AAGAB: variants seen among roughly 807,000 people sequenced by gnomAD.
AAGAB encodes alpha and gamma adaptin binding protein.
Under a neutral mutation model 44.1 loss-of-function variants are expected in AAGAB, and 38 were observed. That is an observed-to-expected ratio of 0.86 (90% CI 0.67 to 1.13). The LOEUF (loss-of-function observed/expected upper bound fraction) is 1.13. Among genes scored for constraint, AAGAB ranks in the 50% most tolerant of loss-of-function variants. AAGAB has a pLI of 0.00. For synonymous variants in AAGAB, 131 were observed against 131.8 expected, an observed-to-expected ratio of 0.99 and a Z score of 0.04; for missense variants, 450 against 373.8, an observed-to-expected ratio of 1.20 and a Z score of -1.68.
chr15:67,203,948 A>G (rs143201986), intron 8 of AAGAB, 96 bp downstream of exon 8: 1 of 770,646 alleles, frequency 1.3e-6, no homozygotes, highest in Non-Finnish European at 2.1e-6. Context: ...GACCAGAACA[A>G]GGAATCCAAT....
rs758889595 is a variant in AAGAB at position 67,236,402 on chromosome 15, C to A, written c.361+6G>T. On this transcript the variant is annotated splice_donor_region_variant and intron_variant, in intron 3 of 9. Transcript: ENST00000261880. The stretch of plus-strand genomic sequence containing the variant: ...TACCAACTACTGTCCCATCCACAGG[C>A]CTTACCATCTTCAGACACTCTATCG... The A allele has an allele frequency of 4.3e-6, 7 of 1,613,262 alleles. No individual in the cohort carries two copies. Among genetic ancestry groups the A allele is most frequent in the Non-Finnish European group, 5.9e-6 (7 of 1,179,294 alleles).
chr15:67,239,877 T>A (rs927810112), intron 1 of AAGAB, among the ~76,000 whole-genome samples: 1 of 152,176 alleles, frequency 6.6e-6, no homozygotes, highest in Non-Finnish European at 1.5e-5. Flanking sequence ...ACTGTGCACA[T>A]GGCTAAAGGT....
intron 6 of AAGAB, 139 bp downstream of exon 6, chr15:67,209,323 G>T: frequency 1.3e-6 from 1 of 791,792 alleles, no homozygotes. Context: ...GGCTGTTTTA[G>T]ACCTTCCTTT....
At chr15:67,231,721 T>C in intron 5 of AAGAB, 93 bp downstream of exon 5, 1 of 1,008,060 alleles carries the variant, frequency 9.9e-7, no homozygotes. Flanking sequence ...TCTACAGATT[T>C]CATATAGCAC....
In AAGAB at chr15:67,219,727, T is replaced by C. The variant is rs1474115975; in HGVS notation, c.536-10183A>G. Among the ~76,000 whole-genome samples the C allele has an allele frequency of 1.4e-4, 21 of 152,306 alleles. No individual in the cohort carries two copies. The East Asian group carries it at 3.9e-3, about 28-fold the overall frequency. On this transcript the variant is annotated intron_variant, in intron 5 of 9. Transcript: ENST00000261880. Reference sequence around the variant, plus strand: ...ATGGAATAATTAGACTTCCTGTACATGTACCCCCAATTCTAAAATAAAAAT... The same window carrying C: ...ATGGAATAATTAGACTTCCTGTACACGTACCCCCAATTCTAAAATAAAAAT...
Position 67,236,426 on chromosome 15 carries a change from C to T in AAGAB, c.343G>A (p.Asp115Asn), listed in dbSNP as rs371926366. The T allele has an allele frequency of 6.8e-5, 110 of 1,614,106 alleles. No individual in the cohort carries two copies. Among genetic ancestry groups the T allele is most frequent in the East Asian group, 1.8e-4 (8 of 44,876 alleles). ...GCCTTACCATCTTCAGACACTCTAT[C>T]GCAGACCAAGATCATCACCTCAGGT... ...WLPEVMILVC[D>N]RVSEDGINRQ... Residue 115 changes from aspartate to asparagine, a missense_variant, in exon 3 of 10, where the codon GAT becomes AAT. Coordinates refer to ENST00000261880, the MANE Select transcript of AAGAB (RefSeq NM_024666.5).
rs1479485259 is a variant in AAGAB at position 67,202,881 on chromosome 15, C to A, written c.888G>T (p.Trp296Cys). ...CATCTCTGTCTCCCCCGATTGCCAT[C>A]CAGAATGCTTTGGCCACCTGTGGAG... Reference protein sequence around the residue: ...VHAEKVAKAFWMAIGGDRDEI... With the variant: ...VHAEKVAKAFCMAIGGDRDEI... Residue 296 changes from tryptophan to cysteine, a missense_variant, in exon 10 of 10, where the codon TGG becomes TGT. Physicochemically the swap from Trp to Cys is radical, Grantham distance 215 (BLOSUM62 -2). Transcript: ENST00000261880. The A allele has an allele frequency of 6.2e-7, 1 of 1,614,074 alleles. No homozygotes were observed. Among genetic ancestry groups the A allele is most frequent in the Non-Finnish European group, 8.5e-7 (1 of 1,179,936 alleles).
At chr15:67,232,612 T>C (rs1822829) in intron 4 of AAGAB, 152,580 of 377,674 alleles carry the variant, frequency 0.4, 33,580 homozygotes, top group Non-Finnish European at 0.48. Flanking sequence ...GATGTCATCT[T>C]TGAGTTCAGA....
At chr15:67,217,537 ATTTC>A in intron 5 of AAGAB, among the ~76,000 whole-genome samples, 1 of 152,150 alleles carries the variant, frequency 6.6e-6, no homozygotes, top group East Asian at 1.9e-4. Context: ...TTAGGTACAC[ATTTC>A]TTTTTTTATT....
In AAGAB at chr15:67,231,832, T is replaced by G. The variant is rs529864603; in HGVS notation, c.517A>C (p.Asn173His). The change falls in exon 5 of 10, where the codon AAT becomes CAT. Residue 173 changes from asparagine (N) to histidine (H), a missense_variant. Physicochemically the swap from Asn to His is moderately conservative, Grantham distance 68. Coordinates refer to ENST00000261880, the MANE Select transcript of AAGAB (RefSeq NM_024666.5). ...TACTTACCATTCTTCATCACTACAT[T>G]GGACCACACATTGGCATTCAGGGCT... ...VQALNANVWSNVVMKNDRNQG... is the reference protein window; with the variant it reads ...VQALNANVWSHVVMKNDRNQG... The G allele has an allele frequency of 8.7e-6, 14 of 1,612,228 alleles. No individual in the cohort carries two copies. The South Asian group carries it at 1.4e-4, about 16-fold the overall frequency.
At chr15:67,220,860 C>T (rs760728970) in intron 5 of AAGAB, among the ~76,000 whole-genome samples, 5 of 152,152 alleles carry the variant, frequency 3.3e-5, no homozygotes, top group Non-Finnish European at 7.3e-5. Context: ...TGAATCATAT[C>T]TACTTTTTGC....
Position 67,254,541 on chromosome 15 carries a change from A to C in AAGAB, c.73+18T>G, listed in dbSNP as rs1250476979. 1 of 1,597,768 alleles carries C rather than the reference A, an allele frequency of 6.3e-7. No individual in the cohort carries two copies. The highest frequency in any genetic ancestry group is 8.5e-7 in the Non-Finnish European group (1 of 1,173,136). On this transcript the variant is annotated intron_variant, in intron 1 of 9. Coordinates refer to ENST00000261880, the MANE Select transcript of AAGAB (RefSeq NM_024666.5). The stretch of plus-strand genomic sequence containing the variant: ...GCTCAGGGGCCTTGGAGGTCGGCCC[A>C]GGCGCCTATCTACTCACGTTGGACC...
chr15:67,240,483 AG>A (rs1430645059), intron 1 of AAGAB, among the ~76,000 whole-genome samples: 1 of 152,182 alleles, frequency 6.6e-6, no homozygotes, highest in Non-Finnish European at 1.5e-5. Context: ...GACAAACACT[AG>A]GTGTTTACTT....
intron 1 of AAGAB, among the ~76,000 whole-genome samples, chr15:67,241,078 CTA>C (rs1281860194): frequency 4.1e-5 from 6 of 145,980 alleles, no homozygotes; most frequent in African/African-American, 1.5e-4. Flanking sequence ...CACATTTTAT[CTA>C]TATATAAACA....
chr15:67,235,896 T>C (rs781766497), intron 4 of AAGAB, 83 bp downstream of exon 4: 157 of 1,096,262 alleles, frequency 1.4e-4, no homozygotes, highest in Middle Eastern at 4.1e-4. Flanking sequence ...GTTTCTTGAA[T>C]TTTGCTGTGA....
chr15:67,217,880 A>G (rs1425199470), intron 5 of AAGAB, among the ~76,000 whole-genome samples: 9 of 152,366 alleles, frequency 5.9e-5, no homozygotes, highest in African/African-American at 2.2e-4. Flanking sequence ...GGTGCAAATG[A>G]TTCCTTGAAT....
chr15:67,246,392 A>AG (rs1281774918), intron 1 of AAGAB, among the ~76,000 whole-genome samples: 2 of 63,304 alleles, frequency 3.2e-5, no homozygotes, highest in Admixed American at 1.5e-4. Flanking sequence ...ATCCTGTCTC[A>AG]AAAAAAAAAA....
intron 8 of AAGAB, 92 bp from the exon 9 acceptor site, chr15:67,203,689 A>G: frequency 3.5e-6 from 4 of 1,141,264 alleles, no homozygotes; most frequent in Non-Finnish European, 5.2e-6. Context: ...GACGGGTTTC[A>G]AAGACATGTT....
At chr15:67,222,242 G>GCGCACACACA (rs1367738219) in intron 5 of AAGAB, among the ~76,000 whole-genome samples, 5,195 of 89,944 alleles carry the variant, frequency 0.058, 122 homozygotes, top group Non-Finnish European at 0.068. Context: ...GCGCGCGCGC[G>GCGCACACACA]CACACACACA....
Sources: gnomAD v4.1 joint callset for allele counts (sites outside exome capture counted in the v4.1 genomes callset) on GRCh38, gnomAD v4.1.1 for gene constraint, MANE v1.5 for transcripts, NCBI Gene and HGNC (gene_info 2026-07-23, HGNC 2026-07-21) for gene names.